SNX29: variants seen among roughly 807,000 people sequenced by gnomAD.
SNX29 encodes the protein sorting nexin 29.
In SNX29, 78 loss-of-function variants were observed where a neutral mutation model predicts 102.1. The observed-to-expected ratio is 0.76, with a 90% CI of 0.64 to 0.92. The LOEUF (loss-of-function observed/expected upper bound fraction) is 0.92. SNX29 is among the 40% of genes least tolerant of loss of function. The pLI is 0.00. For synonymous variants in SNX29, 580 were observed against 414.5 expected, an observed-to-expected ratio of 1.40 and a Z score of -4.85; for missense variants, 1,280 against 1,061.7, an observed-to-expected ratio of 1.21 and a Z score of -2.86.
intron 20 of SNX29, among the ~76,000 whole-genome samples, chr16:12,559,566 A>T (rs1319916702): frequency 6.6e-6 from 1 of 151,944 alleles, no homozygotes; most frequent in African/African-American, 2.4e-5. Flanking sequence ...AATTTTTCTT[A>T]TACATAACTC....
rs142317257 is a variant in SNX29 at position 12,121,402 on chromosome 16, G to A, written c.1403-5231G>A. ...CCTGCAGAAGCCAGCATGGCCATTT[G>A]TGCATGACTGCTTTATTCCCTGTGG... On this transcript the variant is annotated intron_variant, in intron 11 of 20. Coordinates refer to ENST00000566228, the MANE Select transcript of SNX29 (RefSeq NM_032167.5). Among the ~76,000 whole-genome samples, 5 of 152,390 alleles carry A rather than the reference G, an allele frequency of 3.3e-5. No individual in the cohort carries two copies. In the East Asian group the frequency reaches 7.7e-4, roughly 23 times the overall value.
intron 15 of SNX29, among the ~76,000 whole-genome samples, chr16:12,295,059 A>G (rs992748439): frequency 6.6e-6 from 1 of 152,192 alleles, no homozygotes; most frequent in Admixed American, 6.5e-5. Flanking sequence ...CGTGAGACTT[A>G]TTCTCTACCA....
Position 12,061,636 on chromosome 16 carries a change from C to G in SNX29, c.1233C>G (p.Tyr411Ter). 6.2e-7 allele frequency: 1 copy of G among 1,610,616 alleles called. No individual in the cohort carries two copies. The highest frequency in any genetic ancestry group is 8.5e-7 in the Non-Finnish European group (1 of 1,178,584). ...ILFPVSGVGSYSPADAPLGSL... is the reference protein window; with the variant it reads ...ILFPVSGVGS The stretch of plus-strand genomic sequence containing the variant: ...TCCCTGTCAGTGGCGTGGGCTCCTA[C>G]AGCCCAGCAGGTGGGTGTCTCCCGA... The change falls in exon 9 of 21, where the codon TAC (tyrosine) becomes TAG (stop). Residue 411 changes from tyrosine to a stop codon, truncating the protein, a stop_gained. Coordinates refer to ENST00000566228, the MANE Select transcript of SNX29 (RefSeq NM_032167.5). LOFTEE classifies it high-confidence loss of function.
At chr16:12,175,049 G>C (rs925039479) in intron 13 of SNX29, among the ~76,000 whole-genome samples, 1 of 152,188 alleles carries the variant, frequency 6.6e-6, no homozygotes, top group African/African-American at 2.4e-5. Context: ...TGCTTAGGTG[G>C]CTTCTAAAGG....
At chr16:12,202,659 T>G (rs1014932748) in intron 14 of SNX29, among the ~76,000 whole-genome samples, 1 of 152,086 alleles carries the variant, frequency 6.6e-6, no homozygotes, top group Admixed American at 6.5e-5. Flanking sequence ...AAGTTTCACT[T>G]ATGAAAGTAG....
intron 18 of SNX29, among the ~76,000 whole-genome samples, chr16:12,410,278 G>A (rs988773079): frequency 1.3e-5 from 2 of 152,162 alleles, no homozygotes; most frequent in Admixed American, 1.3e-4. Context: ...ATAGGTGTGA[G>A]CCACTGCGCC....
chr16:12,274,992 A>G (rs1385533046), intron 14 of SNX29, among the ~76,000 whole-genome samples: 1 of 152,136 alleles, frequency 6.6e-6, no homozygotes, highest in African/African-American at 2.4e-5. Context: ...TTCCCTAAAT[A>G]GTCTCTCTTT....
At chr16:12,071,657 C>CT (rs1359208316) in intron 10 of SNX29, among the ~76,000 whole-genome samples, 1 of 152,140 alleles carries the variant, frequency 6.6e-6, no homozygotes, top group Admixed American at 6.6e-5. Flanking sequence ...AATGCGGCCT[C>CT]TTTTTTGGTT....
At chr16:12,303,479 C>T (rs545936089) in intron 15 of SNX29, among the ~76,000 whole-genome samples, 23 of 152,250 alleles carry the variant, frequency 1.5e-4, no homozygotes, top group Admixed American at 3.3e-4. Flanking sequence ...TCGAAGAAAG[C>T]GAGTTACAGC....
At chr16:12,059,802 G>A (rs1294265614) in intron 8 of SNX29, among the ~76,000 whole-genome samples, 1 of 152,136 alleles carries the variant, frequency 6.6e-6, no homozygotes, top group Non-Finnish European at 1.5e-5. Context: ...CTAACATAAA[G>A]ACAAACTATA....
At chr16:12,332,721 AT>A (rs1236386023) in intron 15 of SNX29, among the ~76,000 whole-genome samples, 1 of 152,054 alleles carries the variant, frequency 6.6e-6, no homozygotes, top group South Asian at 2.1e-4. Flanking sequence ...TCTTTCTCTT[AT>A]CCTCCCAGCC....
At chr16:12,514,482 A>C (rs1274919598) in intron 19 of SNX29, among the ~76,000 whole-genome samples, 1 of 152,140 alleles carries the variant, frequency 6.6e-6, no homozygotes, top group East Asian at 1.9e-4. Flanking sequence ...TCTTGGGGCC[A>C]ATTCTTGTTT....
At chr16:12,402,765 A>C (rs1379733425) in intron 17 of SNX29, among the ~76,000 whole-genome samples, 1 of 152,150 alleles carries the variant, frequency 6.6e-6, no homozygotes, top group Non-Finnish European at 1.5e-5. Flanking sequence ...ATTATTTTGC[A>C]TTTGAATTTA....
chr16:12,535,214 C>A (rs1445109767), intron 20 of SNX29, among the ~76,000 whole-genome samples: 3 of 152,240 alleles, frequency 2.0e-5, no homozygotes, highest in African/African-American at 4.8e-5. Context: ...TTTCAGCTCA[C>A]TGCAACCTCT....
At chr16:12,194,207 T>C (rs2076714435) in intron 13 of SNX29, among the ~76,000 whole-genome samples, 1 of 152,244 alleles carries the variant, frequency 6.6e-6, no homozygotes, top group Non-Finnish European at 1.5e-5. Context: ...GGACACATTT[T>C]GTTAGATTTA....
chr16:12,080,073 C>A (rs1359591276), intron 11 of SNX29, among the ~76,000 whole-genome samples: 1 of 152,008 alleles, frequency 6.6e-6, no homozygotes, highest in East Asian at 1.9e-4. Context: ...ATGGTTATTC[C>A]TAGATTACAA....
Position 12,185,910 on chromosome 16 carries a change from C to G in SNX29, c.1596-13691C>G, listed in dbSNP as rs541905890. On this transcript the variant is annotated intron_variant, in intron 13 of 20. Coordinates refer to ENST00000566228, the MANE Select transcript of SNX29 (RefSeq NM_032167.5). ...ATAATAGCGATTGTACCTCCTTGTT[C>G]CCAAATGTCACTCAAAGTGTTTCCT... is the stretch of plus-strand genomic sequence containing the variant. Among the ~76,000 whole-genome samples, 32 of 152,284 alleles carry G rather than the reference C, an allele frequency of 2.1e-4. No homozygotes were observed. The South Asian group carries it at 2.9e-3, about 14-fold the overall frequency.
intron 14 of SNX29, among the ~76,000 whole-genome samples, chr16:12,205,385 T>G (rs1171424642): frequency 6.6e-6 from 1 of 152,232 alleles, no homozygotes; most frequent in Non-Finnish European, 1.5e-5. Context: ...CCCGTCACTC[T>G]GCTGTTTACC....
chr16:12,506,034 C>T (rs1171132221), intron 19 of SNX29, among the ~76,000 whole-genome samples: 3 of 152,036 alleles, frequency 2.0e-5, no homozygotes, highest in African/African-American at 7.2e-5. Flanking sequence ...GATCTCGCCT[C>T]ACTGCAACCT....
Sources: gnomAD v4.1 joint callset for allele counts (sites outside exome capture counted in the v4.1 genomes callset) on GRCh38, gnomAD v4.1.1 for gene constraint, MANE v1.5 for transcripts, NCBI Gene and HGNC (gene_info 2026-07-23, HGNC 2026-07-21) for gene names.